Variants in DNASE1 observed in about 807,000 individuals in gnomAD.
DNASE1 encodes the protein deoxyribonuclease 1, also known as deoxyribonuclease-1.
DNASE1 carries 40 observed loss-of-function variants against 33.9 expected under a neutral mutation model. The observed-to-expected ratio is 1.18, with a 90% confidence interval of 0.92 to 1.54. The LOEUF is 1.54. DNASE1 is among the 40% of genes most tolerant of loss of function. The probability of loss-of-function intolerance (pLI) is 0.00; values close to 1 mark genes in which losing one functional copy is unlikely to be tolerated. For synonymous variants in DNASE1, 216 were observed against 160.0 expected, an observed-to-expected ratio of 1.35 and a Z score of -2.64; for missense variants, 518 against 372.6, an observed-to-expected ratio of 1.39 and a Z score of -3.21.
At chr16:3,626,731 G>C (rs530476733) in intron 1 of DNASE1, among the ~76,000 whole-genome samples, 29 of 152,314 alleles carry the variant, frequency 1.9e-4, no homozygotes, top group African/African-American at 6.7e-4. Context: ...AGCTCTGATA[G>C]TGGATTTGTC....
At chr16:3,638,989 TCC>T (rs942832191), upstream of DNASE1, among the ~76,000 whole-genome samples, 6 of 152,246 alleles carry the variant, frequency 3.9e-5, no homozygotes, top group Non-Finnish European at 5.9e-5. Flanking sequence ...TGCTCATGTT[TCC>T]CTTTACCTTC....
intron 1 of DNASE1, among the ~76,000 whole-genome samples, chr16:3,616,579 A>G (rs2041111569): frequency 6.6e-6 from 1 of 152,194 alleles, no homozygotes; most frequent in Non-Finnish European, 1.5e-5. Flanking sequence ...CAAGATCACA[A>G]CACTGCACTC....
chr16:3,645,553 C>T (rs547426640), intron 1 of DNASE1, among the ~76,000 whole-genome samples: 2 of 152,300 alleles, frequency 1.3e-5, no homozygotes, highest in East Asian at 3.9e-4. Context: ...ATGCAGAAAG[C>T]GGCAGCACTG....
upstream of DNASE1, chr16:3,653,106 C>T (rs1216855454): frequency 6.6e-6 from 1 of 152,224 alleles, no homozygotes; most frequent in East Asian, 1.9e-4. Flanking sequence ...TAAGGACATC[C>T]TCCCTGCTCT....
chr16:3,663,973 G>C (rs1027145860), exon 10 of DNASE1: 4 of 356,910 alleles, frequency 1.1e-5, no homozygotes, highest in Admixed American at 9.0e-5. Flanking sequence ...TGAGGCAGGA[G>C]AATGACCTGA....
chr16:3,649,465 A>C (rs1762175774), intron 1 of DNASE1, among the ~76,000 whole-genome samples: 1 of 152,232 alleles, frequency 6.6e-6, no homozygotes, highest in African/African-American at 2.4e-5. Context: ...TGATATGTTT[A>C]ATCTGTTGCA....
At chr16:3,623,271 G>T (rs1005140613) in intron 1 of DNASE1, among the ~76,000 whole-genome samples, 1 of 151,752 alleles carries the variant, frequency 6.6e-6, no homozygotes, top group African/African-American at 2.4e-5. Flanking sequence ...ATAGCGCTGG[G>T]AAAATTGGCT....
At chr16:3,639,322 C>T (rs1282851415), upstream of DNASE1, among the ~76,000 whole-genome samples, 1 of 152,220 alleles carries the variant, frequency 6.6e-6, no homozygotes, top group East Asian at 1.9e-4. Flanking sequence ...ATATAGGGTG[C>T]TCAGGCAGCT....
chr16:3,654,069 A>G (rs1197724674), upstream of DNASE1: 3 of 245,694 alleles, frequency 1.2e-5, no homozygotes, highest in Non-Finnish European at 2.3e-5. Flanking sequence ...TGATTGTGCC[A>G]CTGCACTCCA....
downstream of DNASE1, chr16:3,658,855 T>C: frequency 6.2e-7 from 1 of 1,614,072 alleles, no homozygotes; most frequent in Non-Finnish European, 8.5e-7. Flanking sequence ...AGCTTCTTGA[T>C]GAGCGCGTGC....
chr16:3,664,167 A>G (rs752817928), exon 10 of DNASE1: 3 of 1,244,102 alleles, frequency 2.4e-6, no homozygotes, highest in Non-Finnish European at 3.2e-6. Flanking sequence ...CCCACTGTGC[A>G]GCCCTGCCCG....
Position 3,658,051 on chromosome 16 carries a change from A to T in DNASE1, c.*98A>T. ...CCAACACACACTCGGGTTAAGAAAT[A>T]CCTTTAAATTTAGGTAAATAAAGCT... On this transcript the variant is annotated 3_prime_UTR_variant, in exon 9 of 9. Transcript: ENST00000246949. 6.2e-7 allele frequency: 1 copy of T among 1,607,270 alleles called. No individual in the cohort carries two copies. The highest frequency in any genetic ancestry group is 1.1e-5 in the South Asian group (1 of 90,508).
At chr16:3,658,935 G>A, downstream of DNASE1, 2 of 1,502,534 alleles carry the variant, frequency 1.3e-6, no homozygotes. Context: ...CATGTTTTGG[G>A]ATTATCAGGA....
chr16:3,631,126 G>A (rs928315939), intron 1 of DNASE1, among the ~76,000 whole-genome samples: 1 of 151,956 alleles, frequency 6.6e-6, no homozygotes, highest in Admixed American at 6.6e-5. Context: ...GAGTTCAAGC[G>A]ATTCTCCTGC....
chr16:3,654,535 A>G (rs1341686722), upstream of DNASE1: 3 of 398,564 alleles, frequency 7.5e-6, no homozygotes, highest in Non-Finnish European at 1.3e-5. Context: ...AGAGACAGGG[A>G]GACTGGAGCC....
At chr16:3,663,627 TGAGGGCGGCAG>T in exon 10 of DNASE1, 2 of 1,600,266 alleles carry the variant, frequency 1.2e-6, no homozygotes, top group Non-Finnish European at 1.7e-6. Flanking sequence ...GAAGAAAGGA[TGAGGGCGGCAG>T]GAGGGCTGGG....
At chr16:3,644,344 C>G (rs1022770950) in intron 1 of DNASE1, among the ~76,000 whole-genome samples, 2 of 152,124 alleles carry the variant, frequency 1.3e-5, no homozygotes, top group East Asian at 3.9e-4. Context: ...AGGCAGACCA[C>G]TTGAGGTCAG....
At chr16:3,612,229 C>T (rs1396702664) in intron 1 of DNASE1, among the ~76,000 whole-genome samples, 1 of 152,008 alleles carries the variant, frequency 6.6e-6, no homozygotes, top group Non-Finnish European at 1.5e-5. Flanking sequence ...AACTTGGGGT[C>T]GTCGGGAGCC....
At chr16:3,621,731 A>T (rs1232577379) in intron 1 of DNASE1, among the ~76,000 whole-genome samples, 2 of 152,230 alleles carry the variant, frequency 1.3e-5, no homozygotes, top group Non-Finnish European at 2.9e-5. Context: ...ACTTCATTGT[A>T]TCACCTATCA....
Sources: allele counts gnomAD v4.1 joint callset (sites outside exome capture counted in the v4.1 genomes callset), GRCh38; gene constraint gnomAD v4.1.1; transcripts MANE v1.5; gene names NCBI Gene and HGNC (gene_info 2026-07-23, HGNC 2026-07-21).